PLVAP: variants seen among roughly 807,000 people sequenced by gnomAD.
The protein encoded by PLVAP is plasmalemma vesicle-associated protein.
Under a neutral mutation model 43.1 loss-of-function variants are expected in PLVAP, and 34 were observed. The observed-to-expected ratio is 0.79, with a 90% CI of 0.60 to 1.05. The LOEUF is 1.05. Ranked by LOEUF, PLVAP falls within the 50% of genes least tolerant of loss-of-function variation. The pLI is 0.00. For missense variants in PLVAP, 574 were observed against 593.4 expected (o/e 0.97, Z 0.34); for synonymous variants, 241 against 237.3 (o/e 1.02, Z -0.14).
At chr19:17,368,667 C>T (rs2074559731) in intron 1 of PLVAP, among the ~76,000 whole-genome samples, 1 of 152,082 alleles carries the variant, frequency 6.6e-6, no homozygotes, top group South Asian at 2.1e-4. Context: ...AAGATGCCAC[C>T]TGCAAGCCAA....
intron 1 of PLVAP, among the ~76,000 whole-genome samples, chr19:17,375,606 G>A (rs987620552): frequency 6.6e-6 from 1 of 151,980 alleles, no homozygotes; most frequent in African/African-American, 2.4e-5. Flanking sequence ...CCAGGTCAGG[G>A]CACGGTGGCT....
rs531218988 is a variant in PLVAP at position 17,365,855 on chromosome 19, G to T, written c.610C>A (p.Arg204=). ...EEQLVECVKT[R]ELQHQERQLA... is the part of the protein sequence containing the mutation. ...TGGCGCTCTTGGTGCTGCAGCTCCC[G>T]GGTTTTCACGCATTCAACCAGCTGT... Residue 204 remains arginine (R), a synonymous_variant, in exon 3 of 6, where the codon CGG becomes AGG. Coordinates refer to ENST00000252590, the MANE Select transcript of PLVAP (RefSeq NM_031310.3). 3 of 1,614,088 alleles carry T rather than the reference G, an allele frequency of 1.9e-6. No homozygotes were observed. Among genetic ancestry groups the T allele is most frequent in the Non-Finnish European group, 2.5e-6 (3 of 1,180,022 alleles).
chr19:17,354,691 G>A (rs2074499386), intron 5 of PLVAP, among the ~76,000 whole-genome samples: 1 of 150,786 alleles, frequency 6.6e-6, no homozygotes, highest in Non-Finnish European at 1.5e-5. Context: ...GAGATGAGGA[G>A]ATCGAGACCA....
At chr19:17,365,056 A>G (rs899935282) in intron 3 of PLVAP, among the ~76,000 whole-genome samples, 1 of 151,954 alleles carries the variant, frequency 6.6e-6, no homozygotes, top group Non-Finnish European at 1.5e-5. Context: ...TATTGGCATG[A>G]GCCACTGCGC....
intron 5 of PLVAP, among the ~76,000 whole-genome samples, chr19:17,358,194 C>T (rs1367011485): frequency 6.6e-6 from 1 of 150,488 alleles, no homozygotes; most frequent in Non-Finnish European, 1.5e-5. Flanking sequence ...CAGACAGAGC[C>T]ATCTAGAGCA....
intron 1 of PLVAP, among the ~76,000 whole-genome samples, chr19:17,369,635 CAA>C (rs35419530): frequency 0.15 from 18,645 of 124,398 alleles, 2,174 homozygotes; most frequent in African/African-American, 0.34. Flanking sequence ...ACTCTATGTC[CAA>C]AAAAAAAAAA....
chr19:17,365,227 C>T (rs1417127064), intron 3 of PLVAP, 59 bp downstream of exon 3: 2 of 1,492,112 alleles, frequency 1.3e-6, no homozygotes, highest in East Asian at 2.3e-5. Context: ...ATCGCCACCA[C>T]CCTCTTGGCA....
At position 17,352,154 on chromosome 19, in the gene PLVAP, C is replaced by T. The variant is rs1278049015; in HGVS notation, c.*208G>A. ...CGTTGCTTGCGTGACGTCATCTCCG[C>T]GGCCGTGTGCTCTGGGTGAGGGATC... On this transcript the variant is annotated 3_prime_UTR_variant, in exon 6 of 6. Coordinates refer to ENST00000252590, the MANE Select transcript of PLVAP (RefSeq NM_031310.3). 1.6e-6 allele frequency: 1 copy of T among 639,566 alleles called. No homozygotes were observed. The highest frequency in any genetic ancestry group is 2.7e-6 in the Non-Finnish European group (1 of 369,660). 39.6% of individuals were successfully genotyped at this position (639,566 alleles called of 1,614,324 possible).
At chr19:17,370,001 T>TA (rs763532839) in intron 1 of PLVAP, among the ~76,000 whole-genome samples, 15,042 of 88,104 alleles carry the variant, frequency 0.17, 1,491 homozygotes, top group African/African-American at 0.2. Context: ...AGAGTCTGTC[T>TA]AAAAAAAAAA....
intron 5 of PLVAP, among the ~76,000 whole-genome samples, chr19:17,357,062 T>G (rs538130501): frequency 6.6e-6 from 1 of 151,752 alleles, no homozygotes; most frequent in South Asian, 2.1e-4. Context: ...GGCGGATCAC[T>G]TGAGGCCAGG....
At position 17,368,754 on chromosome 19, in the gene PLVAP, G is replaced by A. The variant is rs142578739; in HGVS notation, c.370-2559C>T. Among the ~76,000 whole-genome samples the A allele has an allele frequency of 5.2e-3, 797 of 152,200 alleles. 4 individuals are homozygous for A. The highest frequency in any genetic ancestry group is 0.017 in the Middle Eastern group (5 of 294). On this transcript the variant is annotated intron_variant, in intron 1 of 5. Coordinates refer to ENST00000252590, the MANE Select transcript of PLVAP (RefSeq NM_031310.3). Reference sequence around the variant, plus strand: ...GCACTCTGGGAGGCCAAGGCGGGTGGATCACGAGGTCAAGAGTTCAAGAGC... The same window carrying A: ...GCACTCTGGGAGGCCAAGGCGGGTGAATCACGAGGTCAAGAGTTCAAGAGC...
chr19:17,365,683 A>T lies in PLVAP; in HGVS notation c.782T>A (p.Leu261Gln). Reference sequence around the variant, plus strand: ...GCGGATGGAGGCCAATTCCGAGCCCAGGGGATGGTAGAGGTTGTAACCCAG... The same window carrying T: ...GCGGATGGAGGCCAATTCCGAGCCCTGGGGATGGTAGAGGTTGTAACCCAG... The part of the protein sequence containing the change: ...DNLGYNLYHP[L>Q]GSELASIRRA... Residue 261 changes from leucine to glutamine, a missense_variant, in exon 3 of 6, where the codon CTG becomes CAG. By Grantham distance (113) the Leu-to-Gln change is moderately radical. Coordinates refer to ENST00000252590, the MANE Select transcript of PLVAP (RefSeq NM_031310.3). The T allele has an allele frequency of 1.9e-6, 3 of 1,613,734 alleles. No individual in the cohort carries two copies. Among genetic ancestry groups the T allele is most frequent in the Non-Finnish European group, 2.5e-6 (3 of 1,179,982 alleles).
At chr19:17,359,605 C>G (rs1283553676) in intron 5 of PLVAP, among the ~76,000 whole-genome samples, 3 of 151,808 alleles carry the variant, frequency 2.0e-5, no homozygotes, top group African/African-American at 7.3e-5. Context: ...GGGGTTTCAC[C>G]ATGTTGGCCA....
At position 17,366,162 on chromosome 19, in the gene PLVAP, C is replaced by T. The variant is rs1204314678; in HGVS notation, c.403G>A (p.Ala135Thr). 1 of 1,614,042 alleles carries T rather than the reference C, an allele frequency of 6.2e-7. No homozygotes were observed. Residue 135 changes from alanine to threonine, a missense_variant, in exon 2 of 6, where the codon GCC becomes ACC. Coordinates refer to ENST00000252590, the MANE Select transcript of PLVAP (RefSeq NM_031310.3). The part of the protein sequence containing the change: ...IYTNNQRYMA[A>T]IILSEKQCRD... ...CATTGCTTCTCACTCAAGATGATGG[C>T]AGCCATGTACCTCTGATTGTTCGTG...
chr19:17,366,033 T>A (rs750553546), intron 2 of PLVAP, 35 bp from the exon 3 acceptor site: 1 of 1,611,544 alleles, frequency 6.2e-7, no homozygotes, highest in African/African-American at 1.3e-5. Flanking sequence ...CCAGGAAGAT[T>A]GGGGGCTGCC....
intron 3 of PLVAP, among the ~76,000 whole-genome samples, chr19:17,364,056 A>AT (rs944589976): frequency 8.1e-5 from 12 of 147,862 alleles, no homozygotes; most frequent in East Asian, 6.0e-4. Context: ...TAATTTTTGT[A>AT]TTTTTTTTGT....
At chr19:17,360,714 T>G (rs1055893066) in intron 4 of PLVAP, 58 bp downstream of exon 4, 2 of 1,580,264 alleles carry the variant, frequency 1.3e-6, no homozygotes, top group Admixed American at 3.4e-5. Flanking sequence ...GGGGCTGGGG[T>G]GGGGTTCGAG....
intron 5 of PLVAP, among the ~76,000 whole-genome samples, chr19:17,356,960 A>G (rs2074509139): frequency 6.6e-6 from 1 of 151,668 alleles, no homozygotes; most frequent in African/African-American, 2.4e-5. Flanking sequence ...ACTCCGTCTC[A>G]AAAACAAAAA....
At chr19:17,370,918 T>C (rs2074569647) in intron 1 of PLVAP, among the ~76,000 whole-genome samples, 1 of 151,242 alleles carries the variant, frequency 6.6e-6, no homozygotes. Flanking sequence ...TAGCCAGGCG[T>C]GGTGGCGGGC....
Sources: gnomAD v4.1 joint callset for allele counts (sites outside exome capture counted in the v4.1 genomes callset) on GRCh38, gnomAD v4.1.1 for gene constraint, MANE v1.5 for transcripts, NCBI Gene and HGNC (gene_info 2026-07-23, HGNC 2026-07-21) for gene names.